Variants in RERE observed in about 807,000 individuals in gnomAD.
RERE encodes the protein arginine-glutamic acid dipeptide repeats, also known as arginine-glutamic acid dipeptide repeats protein.
In RERE, 40 loss-of-function variants were observed where a neutral mutation model predicts 146.1. That is an observed-to-expected ratio of 0.27 (90% CI 0.21 to 0.36). RERE has a LOEUF of 0.36. Ranked by LOEUF, RERE falls within the 10% of genes least tolerant of loss-of-function variation. RERE has a pLI of 1.00. For synonymous variants in RERE, 1,003 were observed against 866.0 expected (o/e 1.16, Z -2.78); for missense variants, 1,933 against 2,138.7 (o/e 0.90, Z 1.90).
At chr1:8,401,314 C>T (rs142397563) in intron 12 of RERE, among the ~76,000 whole-genome samples, 8 of 151,976 alleles carry the variant, frequency 5.3e-5, no homozygotes, top group Admixed American at 1.3e-4. Context: ...TTGTAACTCC[C>T]CATCAAAAGA....
At chr1:8,474,482 C>A (rs1644728592) in intron 10 of RERE, among the ~76,000 whole-genome samples, 1 of 152,214 alleles carries the variant, frequency 6.6e-6, no homozygotes, top group East Asian at 1.9e-4. Context: ...GGATCTCAGG[C>A]AGTCTTATTA....
At chr1:8,531,489 A>G (rs1435399912) in intron 7 of RERE, among the ~76,000 whole-genome samples, 1 of 152,110 alleles carries the variant, frequency 6.6e-6, no homozygotes, top group African/African-American at 2.4e-5. Context: ...CACCAACAAT[A>G]AAACTAATTT....
rs146594185 is a variant in RERE at position 8,613,569 on chromosome 1, G to A, written c.522+992C>T. ...CCATCTGGAGCACTTTCTTTTCTAC[G>A]ACCCAAGATATTAATATTCTACACT... On this transcript the variant is annotated intron_variant, in intron 4 of 22. Transcript: ENST00000400908. Among the ~76,000 whole-genome samples, 37 of 152,136 alleles carry A rather than the reference G, an allele frequency of 2.4e-4. No homozygotes were observed. The East Asian group carries it at 6.0e-3, about 25-fold the overall frequency.
Position 8,495,085 on chromosome 1 carries a change from G to C in RERE, c.1082C>G (p.Thr361Ser). The stretch of plus-strand genomic sequence containing the variant: ...TACTGTGTTCAGTGCATTCAGAGTG[G>C]TGTCATCCCGAGAGGCTGCGACACA... ...DGCVAASRDD[T>S]TLNALNTLHE... The change falls in exon 10 of 23, where the codon ACC (threonine) becomes AGC (serine). Residue 361 changes from threonine to serine, a missense_variant. By Grantham distance (58) the Thr-to-Ser change is moderately conservative. Coordinates refer to ENST00000400908, the MANE Select transcript of RERE (RefSeq NM_001042681.2). 1 of 1,613,250 alleles carries C rather than the reference G, an allele frequency of 6.2e-7. No individual in the cohort carries two copies. The highest frequency in any genetic ancestry group is 8.5e-7 in the Non-Finnish European group (1 of 1,179,232).
chr1:8,766,966 TAATC>T (rs1255428824), intron 1 of RERE, among the ~76,000 whole-genome samples: 2 of 152,238 alleles, frequency 1.3e-5, no homozygotes, highest in African/African-American at 4.8e-5. Context: ...CAACTTGAAT[TAATC>T]AACATGTATC....
chr1:8,660,706 T>G (rs901274820), intron 1 of RERE, among the ~76,000 whole-genome samples: 1 of 152,202 alleles, frequency 6.6e-6, no homozygotes, highest in Non-Finnish European at 1.5e-5. Flanking sequence ...CAGACAGATT[T>G]AAGAAACACA....
chr1:8,360,978 C>G lies in RERE; in HGVS notation c.2529G>C (p.Gln843His), dbSNP rs948876682. 1 of 1,443,828 alleles carries G rather than the reference C, an allele frequency of 6.9e-7. No homozygotes were observed. The highest frequency in any genetic ancestry group is 1.4e-5 in the African/African-American group (1 of 69,256). The allele number at this position is 1,443,828 out of a possible 1,614,324, so 89.4% of individuals were successfully genotyped here. Reference sequence around the variant, plus strand: ...GTGGGCCCTGACCGTGCAGTGGGGGCTGGGCATGAGAGGGTGCAGAAGGCT... The same window carrying G: ...GTGGGCCCTGACCGTGCAGTGGGGGGTGGGCATGAGAGGGTGCAGAAGGCT... ...AGQPSAPSHAQPPLHGQGPPG... is the reference protein window; with the variant it reads ...AGQPSAPSHAHPPLHGQGPPG... The change falls in exon 18 of 23, where the codon CAG becomes CAC. Residue 843 changes from glutamine to histidine, a missense_variant. Around this residue, in one of 11 missense-constraint regions of RERE, gnomAD observed 1,255 missense variants for 1,153.8 expected, o/e 1.09. Coordinates refer to ENST00000400908, the MANE Select transcript of RERE (RefSeq NM_001042681.2).
intron 11 of RERE, among the ~76,000 whole-genome samples, chr1:8,442,534 C>A (rs1483820520): frequency 6.6e-6 from 1 of 152,148 alleles, no homozygotes; most frequent in African/African-American, 2.4e-5. Flanking sequence ...GACGCCAGCA[C>A]CGTGCTTGTA....
At chr1:8,367,561 A>T (rs1641860814) in intron 12 of RERE, among the ~76,000 whole-genome samples, 1 of 152,224 alleles carries the variant, frequency 6.6e-6, no homozygotes, top group African/African-American at 2.4e-5. Flanking sequence ...TACCTAGCAG[A>T]TGAAGCATAA....
At chr1:8,419,242 T>C (rs1643857372) in intron 12 of RERE, among the ~76,000 whole-genome samples, 1 of 152,190 alleles carries the variant, frequency 6.6e-6, no homozygotes, top group Non-Finnish European at 1.5e-5. Context: ...TAACACGTAA[T>C]ACCCATTCAA....
chr1:8,729,459 G>T (rs1252989429), intron 1 of RERE, among the ~76,000 whole-genome samples: 5 of 151,922 alleles, frequency 3.3e-5, no homozygotes, highest in Non-Finnish European at 7.4e-5. Flanking sequence ...TCTTGACCTT[G>T]TGATCCACCC....
intron 10 of RERE, among the ~76,000 whole-genome samples, chr1:8,471,616 A>C (rs1644687564): frequency 1.3e-5 from 2 of 151,166 alleles, no homozygotes; most frequent in South Asian, 4.2e-4. Flanking sequence ...GGGCTCAAGC[A>C]ATCCTCCTGC....
In RERE at chr1:8,354,826, T is replaced by C. The variant is rs185579089; in HGVS notation, c.*261A>G. ...CCAAACCCCAAGATTGCAGGGAAGCTTTCTGGATGTTCAGTCCAGTCCAGG... is the reference window on the plus strand; with the variant it reads ...CCAAACCCCAAGATTGCAGGGAAGCCTTCTGGATGTTCAGTCCAGTCCAGG... On this transcript the variant is annotated 3_prime_UTR_variant, in exon 23 of 23. Coordinates refer to ENST00000400908, the MANE Select transcript of RERE (RefSeq NM_001042681.2). 8.3e-4 allele frequency: 400 copies of C among 481,562 alleles called. No individual in the cohort carries two copies. The highest frequency in any genetic ancestry group is 1.3e-3 in the Non-Finnish European group (369 of 276,166). 29.8% of individuals were successfully genotyped at this position (481,562 alleles called of 1,614,324 possible).
At chr1:8,786,164 G>T in intron 1 of RERE, 1 of 585,006 alleles carries the variant, frequency 1.7e-6, no homozygotes, top group South Asian at 1.7e-5. Context: ...TATTTAAACT[G>T]ATCAGACTAG....
chr1:8,503,580 T>C (rs919264845), intron 8 of RERE, among the ~76,000 whole-genome samples: 4 of 152,186 alleles, frequency 2.6e-5, no homozygotes, highest in African/African-American at 9.7e-5. Flanking sequence ...TATATACTGC[T>C]ATGAGGAGAA....
At chr1:8,407,923 C>T (rs1013451675) in intron 12 of RERE, among the ~76,000 whole-genome samples, 3 of 152,176 alleles carry the variant, frequency 2.0e-5, no homozygotes, top group Non-Finnish European at 4.4e-5. Context: ...ATGATTTTTA[C>T]CTTGACTAAC....
At chr1:8,671,138 C>T (rs772538003) in intron 1 of RERE, among the ~76,000 whole-genome samples, 3 of 152,142 alleles carry the variant, frequency 2.0e-5, no homozygotes, top group Non-Finnish European at 4.4e-5. Context: ...ATCTAGGAGT[C>T]CTCAGTGCAC....
intron 4 of RERE, 144 bp from the exon 5 acceptor site, chr1:8,557,667 T>C (rs1646023709): frequency 4.6e-6 from 3 of 651,066 alleles, no homozygotes; most frequent in Admixed American, 2.7e-5. Flanking sequence ...CAACAATACA[T>C]AAGTCAGTTA....
At chr1:8,493,177 C>A (rs1412610743) in intron 10 of RERE, among the ~76,000 whole-genome samples, 1 of 152,168 alleles carries the variant, frequency 6.6e-6, no homozygotes, top group Non-Finnish European at 1.5e-5. Context: ...TCTGAATTCA[C>A]AGACATTCAT....
Sources: gnomAD v4.1 joint callset for allele counts (sites outside exome capture counted in the v4.1 genomes callset) on GRCh38, gnomAD v4.1.1 for gene constraint, gnomAD v4.1.1 regional missense constraint, MANE v1.5 for transcripts, NCBI Gene and HGNC (gene_info 2026-07-23, HGNC 2026-07-21) for gene names.